SYNPR: variants seen among roughly 807,000 people sequenced by gnomAD.
SYNPR encodes synaptoporin.
In SYNPR, 23 loss-of-function variants were observed where a neutral mutation model predicts 32.9. The observed-to-expected ratio is 0.70, with a 90% CI of 0.50 to 0.99. The LOEUF is 0.99. Ranked by LOEUF, SYNPR falls within the 50% of genes least tolerant of loss-of-function variation. The pLI, the probability that SYNPR is intolerant of heterozygous loss-of-function variation, is 0.00. For synonymous variants in SYNPR, 146 were observed against 135.9 expected (o/e 1.07, Z -0.52); for missense variants, 318 against 349.3 (o/e 0.91, Z 0.71).
At chr3:63,504,452 T>G (rs2106742159) in intron 3 of SYNPR, among the ~76,000 whole-genome samples, 1 of 152,280 alleles carries the variant, frequency 6.6e-6, no homozygotes, top group East Asian at 1.9e-4. Flanking sequence ...ACTCTGCAGG[T>G]TTGTAACAAT....
chr3:63,555,688 C>A (rs1172653617), intron 3 of SYNPR, among the ~76,000 whole-genome samples: 2 of 151,952 alleles, frequency 1.3e-5, no homozygotes, highest in African/African-American at 4.8e-5. Flanking sequence ...CTTACAGAAC[C>A]AAGAATGTGC....
chr3:63,535,312 AT>A (rs1242368402), intron 3 of SYNPR, among the ~76,000 whole-genome samples: 2 of 152,110 alleles, frequency 1.3e-5, no homozygotes, highest in East Asian at 1.9e-4. Flanking sequence ...CTTCCAAGAA[AT>A]TTTTTGTGGA....
chr3:63,419,449 G>A (rs541348221), intron 2 of SYNPR, among the ~76,000 whole-genome samples: 22 of 152,202 alleles, frequency 1.4e-4, no homozygotes, highest in Non-Finnish European at 2.5e-4. Flanking sequence ...AGTTGTTGGT[G>A]ACAGAGCTAC....
At chr3:63,405,945 T>C (rs1055592919) in intron 2 of SYNPR, among the ~76,000 whole-genome samples, 2 of 152,168 alleles carry the variant, frequency 1.3e-5, no homozygotes, top group African/African-American at 4.8e-5. Context: ...ACTCTGTCAT[T>C]GCTTCTCATT....
intron 5 of SYNPR, chr3:63,610,462 G>T: frequency 1.4e-6 from 1 of 695,836 alleles, no homozygotes; most frequent in Non-Finnish European, 2.6e-6. Context: ...AGATTAACCT[G>T]TGTTTCTACA....
chr3:63,258,324 A>C (rs1254106034), intron 2 of SYNPR, among the ~76,000 whole-genome samples: 2 of 152,222 alleles, frequency 1.3e-5, no homozygotes, highest in Non-Finnish European at 2.9e-5. Context: ...GTTGGAAGTA[A>C]AGCACTCCTC....
At chr3:63,518,987 T>C (rs1319668376) in intron 3 of SYNPR, among the ~76,000 whole-genome samples, 1 of 152,208 alleles carries the variant, frequency 6.6e-6, no homozygotes, top group Non-Finnish European at 1.5e-5. Context: ...ATGAATTTTA[T>C]CAAAAGCCTT....
chr3:63,575,407 C>T (rs1180382190), intron 4 of SYNPR, among the ~76,000 whole-genome samples: 5 of 152,072 alleles, frequency 3.3e-5, no homozygotes, highest in African/African-American at 1.2e-4. Flanking sequence ...AGATGTGGCA[C>T]ACTCTCAGCT....
intron 3 of SYNPR, among the ~76,000 whole-genome samples, chr3:63,526,194 G>A (rs1171313026): frequency 6.6e-6 from 1 of 152,148 alleles, no homozygotes; most frequent in Non-Finnish European, 1.5e-5. Context: ...GACTTGCTGG[G>A]GTCAAACCAC....
At chr3:63,220,847 G>T in the SYNPR span, among the ~76,000 whole-genome samples, 13 of 152,186 alleles carry the variant, frequency 8.5e-5, no homozygotes, top group Admixed American at 8.5e-4. Context: ...CAGGCCTAGA[G>T]CTGGTTGCTG....
chr3:63,205,352 A>G, the SYNPR span, among the ~76,000 whole-genome samples: 1 of 152,234 alleles, frequency 6.6e-6, no homozygotes, highest in Non-Finnish European at 1.5e-5. Flanking sequence ...TTCCAAGCAG[A>G]TGTCCCTACC....
intron 2 of SYNPR, among the ~76,000 whole-genome samples, chr3:63,357,275 T>C (rs12495022): frequency 0.54 from 81,815 of 151,682 alleles, 23,015 homozygotes; most frequent in East Asian, 0.77. Flanking sequence ...ACCCCAGACG[T>C]CCCCTTACCA....
At chr3:63,335,884 C>T (rs2087287192) in intron 2 of SYNPR, among the ~76,000 whole-genome samples, 1 of 144,696 alleles carries the variant, frequency 6.9e-6, no homozygotes, top group Admixed American at 7.3e-5. Flanking sequence ...TCAAGCGATT[C>T]TTCTGCCTCA....
At chr3:63,459,444 C>G (rs887801776) in intron 2 of SYNPR, among the ~76,000 whole-genome samples, 2 of 152,140 alleles carry the variant, frequency 1.3e-5, no homozygotes, top group East Asian at 3.8e-4. Flanking sequence ...TTAAGCAGCA[C>G]TACATATTTT....
intron 2 of SYNPR, among the ~76,000 whole-genome samples, chr3:63,291,005 A>G (rs1309043809): frequency 3.3e-5 from 5 of 152,184 alleles, no homozygotes. Flanking sequence ...AAAATTACTG[A>G]GCACAAACCC....
At chr3:63,421,295 A>G (rs561855399) in intron 2 of SYNPR, among the ~76,000 whole-genome samples, 2 of 152,168 alleles carry the variant, frequency 1.3e-5, no homozygotes, top group South Asian at 2.1e-4. Flanking sequence ...AAATAAAAAC[A>G]TACATCCACA....
At chr3:63,259,198 C>G (rs185447757) in intron 2 of SYNPR, among the ~76,000 whole-genome samples, 312 of 152,170 alleles carry the variant, frequency 2.1e-3, no homozygotes, top group African/African-American at 5.7e-3. Context: ...CAGAAAAAGA[C>G]GGAATCCTCC....
At chr3:63,552,746 T>G (rs980615371) in intron 3 of SYNPR, among the ~76,000 whole-genome samples, 2 of 152,154 alleles carry the variant, frequency 1.3e-5, no homozygotes, top group Admixed American at 1.3e-4. Flanking sequence ...TTATTTAACA[T>G]AAACAAGTCA....
chr3:63,457,900 T>C (rs555657064), intron 2 of SYNPR, among the ~76,000 whole-genome samples: 10 of 152,152 alleles, frequency 6.6e-5, no homozygotes, highest in Non-Finnish European at 1.3e-4. Flanking sequence ...AACTCAGACA[T>C]GATAAATTTG....
Sources: gnomAD v4.1 joint callset for allele counts (sites outside exome capture counted in the v4.1 genomes callset) on GRCh38, gnomAD v4.1.1 for gene constraint, MANE v1.5 for transcripts, NCBI Gene and HGNC (gene_info 2026-07-23, HGNC 2026-07-21) for gene names.